Variants in ATAD2 observed in about 807,000 individuals in gnomAD.
ATAD2 encodes ATPase family AAA domain containing 2.
ATAD2 carries 62 observed loss-of-function variants against 168.9 expected under a neutral mutation model. That is an observed-to-expected ratio of 0.37 (90% CI 0.30 to 0.45). The LOEUF (loss-of-function observed/expected upper bound fraction) is 0.45. Ranked by LOEUF, ATAD2 falls within the 20% of genes least tolerant of loss-of-function variation. The pLI is 1.00. For missense variants in ATAD2, 1,419 were observed against 1,667.8 expected, an observed-to-expected ratio of 0.85 and a Z score of 2.60; for synonymous variants, 613 against 571.6, an observed-to-expected ratio of 1.07 and a Z score of -1.03.
Position 123,328,566 on chromosome 8 carries a change from C to T in ATAD2, c.3492G>A (p.Arg1164=). 2 of 1,529,056 alleles carry T rather than the reference C, an allele frequency of 1.3e-6. No individual in the cohort carries two copies. Among genetic ancestry groups the T allele is most frequent in the South Asian group, 1.3e-5 (1 of 76,238 alleles). The allele number at this position is 1,529,056 out of a possible 1,614,324, so 94.7% of individuals were successfully genotyped here. A position where few individuals can be genotyped will look rare whatever the true frequency, so the allele number is the denominator to read the frequency against. Residue 1164 remains arginine (R), a synonymous_variant, in exon 25 of 28, where the codon AGG becomes AGA. Coordinates refer to ENST00000287394, the MANE Select transcript of ATAD2 (RefSeq NM_014109.4). The stretch of plus-strand genomic sequence containing the variant: ...ACCAGTTTGACTTTTTGCGAATTTT[C>T]CTCTTCAACTGAGCTTCAAGAAATT... ...VACSTPAQLK[R]KIRKKSNWYL... is the part of the protein sequence containing the mutation.
At chr8:123,358,637 T>C (rs1246831119) in intron 11 of ATAD2, among the ~76,000 whole-genome samples, 1 of 151,918 alleles carries the variant, frequency 6.6e-6, no homozygotes, top group Non-Finnish European at 1.5e-5. Context: ...TAAGCCATCG[T>C]GCCTGGCCAC....
rs571187116 is a variant in ATAD2 at position 123,379,027 on chromosome 8, G to A, written c.320+1502C>T. Among the ~76,000 whole-genome samples the A allele has an allele frequency of 4.3e-4, 66 of 151,964 alleles. 1 individual carries two copies. In the South Asian group the frequency reaches 0.011, roughly 26 times the overall value. On this transcript the variant is annotated intron_variant, in intron 2 of 27. Coordinates refer to ENST00000287394, the MANE Select transcript of ATAD2 (RefSeq NM_014109.4). ...TGCCCAGGCTGGTATCAAACTCCCC[G>A]ACCGAAGTGATCCTTCTGCCTTGGC...
At chr8:123,367,025 A>G (rs1295850281) in intron 8 of ATAD2, among the ~76,000 whole-genome samples, 1 of 152,192 alleles carries the variant, frequency 6.6e-6, no homozygotes, top group East Asian at 1.9e-4. Flanking sequence ...TTAAACACAC[A>G]TATCTGTCTA....
intron 1 of ATAD2, chr8:123,401,949 T>C (rs1408880325): frequency 3.6e-6 from 3 of 836,620 alleles, no homozygotes; most frequent in Middle Eastern, 3.2e-4. Context: ...TACCTCATAG[T>C]GGGCATCCAG....
chr8:123,362,226 G>C (rs1403428440), intron 8 of ATAD2, among the ~76,000 whole-genome samples: 1 of 151,216 alleles, frequency 6.6e-6, no homozygotes, highest in Non-Finnish European at 1.5e-5. Context: ...CTGGGAGGAC[G>C]AGGCTGTAGT....
At chr8:123,409,913 G>T (rs1813127247) in intron 1 of ATAD2, among the ~76,000 whole-genome samples, 1 of 141,910 alleles carries the variant, frequency 7.0e-6, no homozygotes, top group African/African-American at 2.6e-5. Flanking sequence ...TCCAGCCTGG[G>T]TGTGACAAGA....
chr8:123,327,065 C>T (rs181867130), intron 25 of ATAD2, among the ~76,000 whole-genome samples: 4 of 152,170 alleles, frequency 2.6e-5, no homozygotes, highest in South Asian at 4.1e-4. Flanking sequence ...TTAGCCACCA[C>T]GCCCAGCTAA....
intron 1 of ATAD2, among the ~76,000 whole-genome samples, chr8:123,408,813 G>A (rs1044838203): frequency 1.3e-4 from 20 of 151,768 alleles, no homozygotes; most frequent in East Asian, 1.9e-4. Context: ...CACCGTGCCC[G>A]GCCTGGAAGA....
rs1055038400 is a variant in ATAD2 at position 123,333,882 on chromosome 8, A to C, written c.3474T>G (p.Thr1158=). ...GAAAACTACTTGAGTACTTACCAGG[A>C]GTGCTGCAAGCCACAGGAGTACTCG... is the stretch of plus-strand genomic sequence containing the variant. ...KTPSTPVACS[T]PAQLKRKIRK... is the part of the protein sequence containing the mutation. Residue 1158 remains threonine, a synonymous_variant, in exon 24 of 28, where the codon ACT becomes ACG. Coordinates refer to ENST00000287394, the MANE Select transcript of ATAD2 (RefSeq NM_014109.4). 6.2e-7 allele frequency: 1 copy of C among 1,610,944 alleles called. No homozygotes were observed. Among genetic ancestry groups the C allele is most frequent in the South Asian group, 1.1e-5 (1 of 90,572 alleles).
intron 15 of ATAD2, 60 bp downstream of exon 15, chr8:123,348,123 A>G: frequency 7.3e-7 from 1 of 1,361,908 alleles, no homozygotes; most frequent in Non-Finnish European, 1.0e-6. Flanking sequence ...ACCTAATATA[A>G]CTTGTTTCAT....
intron 8 of ATAD2, among the ~76,000 whole-genome samples, chr8:123,367,371 C>T (rs974574006): frequency 1.3e-5 from 2 of 152,118 alleles, no homozygotes; most frequent in African/African-American, 2.4e-5. Flanking sequence ...GAGCCGAGAT[C>T]GCGCCACTGC....
chr8:123,332,518 T>C (rs1665034000), intron 24 of ATAD2, among the ~76,000 whole-genome samples: 1 of 152,214 alleles, frequency 6.6e-6, no homozygotes, highest in Non-Finnish European at 1.5e-5. Flanking sequence ...TTTAAATACA[T>C]ATTTTAAAAT....
At chr8:123,373,174 G>C (rs1042008057) in intron 2 of ATAD2, among the ~76,000 whole-genome samples, 5 of 151,866 alleles carry the variant, frequency 3.3e-5, no homozygotes, top group African/African-American at 9.7e-5. Context: ...TTACAGGCTT[G>C]AGGCACCACG....
chr8:123,413,236 C>T (rs980699033), intron 1 of ATAD2, among the ~76,000 whole-genome samples: 2 of 99,846 alleles, frequency 2.0e-5, no homozygotes, highest in Admixed American at 2.1e-4. Flanking sequence ...CCCCCCCCCC[C>T]CAACTCCTCC....
upstream of ATAD2, chr8:123,396,466 C>A: frequency 8.0e-7 from 1 of 1,247,960 alleles, no homozygotes. Context: ...AAGCTCCGCG[C>A]CAGCGGCCGC....
intron 2 of ATAD2, among the ~76,000 whole-genome samples, chr8:123,375,398 T>C (rs1305187835): frequency 6.6e-6 from 1 of 152,184 alleles, no homozygotes; most frequent in Non-Finnish European, 1.5e-5. Context: ...GGTGAGGATG[T>C]AGAGACCCTC....
At chr8:123,409,904 C>G (rs1390625314) in intron 1 of ATAD2, among the ~76,000 whole-genome samples, 1 of 146,820 alleles carries the variant, frequency 6.8e-6, no homozygotes, top group Non-Finnish European at 1.5e-5. Context: ...CCACTAGACT[C>G]CAGCCTGGGT....
intron 2 of ATAD2, among the ~76,000 whole-genome samples, chr8:123,373,777 A>G (rs1386537406): frequency 8.1e-6 from 1 of 123,750 alleles, no homozygotes; most frequent in African/African-American, 3.2e-5. Flanking sequence ...CAACAGAGTG[A>G]CACCTCGCCT....
intron 1 of ATAD2, among the ~76,000 whole-genome samples, chr8:123,404,829 C>T (rs781637513): frequency 2.0e-5 from 3 of 152,156 alleles, no homozygotes; most frequent in Admixed American, 2.0e-4. Flanking sequence ...CGTGAGCCAC[C>T]GCGCCCAGCC....
Sources: gnomAD v4.1 joint callset for allele counts (sites outside exome capture counted in the v4.1 genomes callset) on GRCh38, gnomAD v4.1.1 for gene constraint, MANE v1.5 for transcripts, NCBI Gene and HGNC (gene_info 2026-07-23, HGNC 2026-07-21) for gene names.